The following TTC28 variants were observed in gnomAD, a reference collection of about 807,000 sequenced individuals.
TTC28 encodes tetratricopeptide repeat domain 28, also known as tetratricopeptide repeat protein 28.
TTC28 carries 61 observed loss-of-function variants against 198.0 expected under a neutral mutation model. That is an observed-to-expected ratio of 0.31 (90% confidence interval 0.25 to 0.38). The LOEUF (loss-of-function observed/expected upper bound fraction) is 0.38, where lower values mean the gene tolerates loss of function less well. Among genes scored for constraint, TTC28 ranks in the 10% least tolerant of loss-of-function variants. TTC28 has a pLI of 1.00. For synonymous variants in TTC28, 1,171 were observed against 1,297.8 expected (o/e 0.90, Z 2.10); for missense variants, 2,678 against 3,164.0 (o/e 0.85, Z 3.69).
At chr22:28,252,019 G>A (rs956208559) in intron 5 of TTC28, among the ~76,000 whole-genome samples, 1 of 152,132 alleles carries the variant, frequency 6.6e-6, no homozygotes, top group Non-Finnish European at 1.5e-5. Flanking sequence ...ACATTACTCA[G>A]GAATAGCCAC....
rs1341289485 is a variant in TTC28, at chr22:27,978,567, A to T, written c.*3654T>A. ...ATGCTGGAGCGTCACTGGGACAGAG[A>T]GAGCAGGATGAGGACAGCGTGGGTG... is the stretch of plus-strand genomic sequence containing the variant. On this transcript the variant is annotated 3_prime_UTR_variant, in exon 23 of 23. Coordinates refer to ENST00000397906, the MANE Select transcript of TTC28 (RefSeq NM_001145418.2). The T allele has an allele frequency of 6.6e-6, 1 of 152,276 alleles. No individual in the cohort carries two copies. Among genetic ancestry groups the T allele is most frequent in the Non-Finnish European group, 1.5e-5 (1 of 68,062 alleles). 9.4% of individuals were successfully genotyped at this position (152,276 alleles called of 1,614,324 possible). A position where few individuals can be genotyped will look rare whatever the true frequency, so the allele number is the denominator to read the frequency against.
chr22:28,331,383 C>T (rs1313549099), intron 2 of TTC28, among the ~76,000 whole-genome samples: 1 of 152,040 alleles, frequency 6.6e-6, no homozygotes, highest in Non-Finnish European at 1.5e-5. Flanking sequence ...TGCTCCACAG[C>T]CCCAAAGATT....
chr22:28,236,431 C>G (rs1305248122), intron 5 of TTC28, among the ~76,000 whole-genome samples: 1 of 152,110 alleles, frequency 6.6e-6, no homozygotes, highest in African/African-American at 2.4e-5. Context: ...GGATGGGAAT[C>G]TGGAATTGGT....
intron 2 of TTC28, among the ~76,000 whole-genome samples, chr22:28,522,792 T>C (rs1209960369): frequency 6.6e-6 from 1 of 152,028 alleles, no homozygotes; most frequent in Non-Finnish European, 1.5e-5. Flanking sequence ...TATTGTATGA[T>C]TATATTTATG....
intron 1 of TTC28, among the ~76,000 whole-genome samples, chr22:28,643,711 G>A: frequency 6.6e-6 from 1 of 152,132 alleles, no homozygotes; most frequent in Non-Finnish European, 1.5e-5. Context: ...AACAGATTTT[G>A]TTACTGTAGG....
intron 2 of TTC28, among the ~76,000 whole-genome samples, chr22:28,525,784 T>C (rs1324955645): frequency 6.6e-6 from 1 of 152,204 alleles, no homozygotes. Flanking sequence ...ACAAAATTCG[T>C]ATTTAAGAAT....
chr22:28,248,764 T>C (rs1930298241), intron 5 of TTC28, among the ~76,000 whole-genome samples: 2 of 152,180 alleles, frequency 1.3e-5, no homozygotes, highest in Admixed American at 1.3e-4. Flanking sequence ...CATCGTTTTT[T>C]GCAAGTTTGT....
At chr22:28,237,657 A>G (rs918021707) in intron 5 of TTC28, among the ~76,000 whole-genome samples, 4 of 152,208 alleles carry the variant, frequency 2.6e-5, no homozygotes, top group African/African-American at 7.2e-5. Flanking sequence ...TTCAAAATAC[A>G]TGAAAAAATG....
intron 2 of TTC28, among the ~76,000 whole-genome samples, chr22:28,394,562 G>A (rs534212565): frequency 6.6e-6 from 1 of 152,244 alleles, no homozygotes; most frequent in South Asian, 2.1e-4. Context: ...TCAATTTACT[G>A]TTATAAAAAG....
chr22:28,330,632 T>C (rs552668108), intron 2 of TTC28, among the ~76,000 whole-genome samples: 2 of 152,300 alleles, frequency 1.3e-5, no homozygotes, highest in Non-Finnish European at 2.9e-5. Flanking sequence ...ATCAAAACGA[T>C]TTCCTATTTT....
chr22:28,215,367 A>C (rs755563541), intron 5 of TTC28, among the ~76,000 whole-genome samples: 5 of 152,188 alleles, frequency 3.3e-5, no homozygotes, highest in Admixed American at 6.5e-5. Context: ...TCACTACTGC[A>C]ACCTCTGTGC....
chr22:28,317,982 C>T (rs2045378740), intron 2 of TTC28, among the ~76,000 whole-genome samples: 1 of 152,102 alleles, frequency 6.6e-6, no homozygotes, highest in East Asian at 1.9e-4. Flanking sequence ...TGGTTCACTG[C>T]ATCCTTGACA....
intron 2 of TTC28, among the ~76,000 whole-genome samples, chr22:28,366,419 T>C (rs1208849224): frequency 2.6e-5 from 4 of 152,146 alleles, no homozygotes; most frequent in Non-Finnish European, 4.4e-5. Context: ...GATACAAAGA[T>C]GAATTAGTCA....
At chr22:28,002,996 A>G in intron 14 of TTC28, among the ~76,000 whole-genome samples, 1 of 152,186 alleles carries the variant, frequency 6.6e-6, no homozygotes, top group East Asian at 1.9e-4. Context: ...AAACAACAAC[A>G]AAAAAAGAGC....
chr22:28,071,930 T>C (rs1940997449), intron 12 of TTC28, among the ~76,000 whole-genome samples: 2 of 152,296 alleles, frequency 1.3e-5, no homozygotes, highest in African/African-American at 2.4e-5. Flanking sequence ...TCATTACTTG[T>C]GAAGCCTTAA....
chr22:28,603,046 A>G (rs963522860), intron 2 of TTC28, among the ~76,000 whole-genome samples: 3 of 151,914 alleles, frequency 2.0e-5, no homozygotes, highest in African/African-American at 4.8e-5. Flanking sequence ...ACTCCAAGCT[A>G]ATTTTTGTAT....
At chr22:28,141,816 T>A (rs1943342926) in intron 6 of TTC28, among the ~76,000 whole-genome samples, 1 of 152,076 alleles carries the variant, frequency 6.6e-6, no homozygotes, top group Non-Finnish European at 1.5e-5. Flanking sequence ...ACCTCCCACA[T>A]CAAACAGTTA....
chr22:28,386,277 A>C (rs1223015967), intron 2 of TTC28, among the ~76,000 whole-genome samples: 1 of 21,864 alleles, frequency 4.6e-5, no homozygotes, highest in East Asian at 5.5e-4. Context: ...TCCGTCTCAA[A>C]AAAAAAAAAA....
At chr22:28,390,399 G>T (rs1364313851) in intron 2 of TTC28, among the ~76,000 whole-genome samples, 1 of 152,068 alleles carries the variant, frequency 6.6e-6, no homozygotes, top group Non-Finnish European at 1.5e-5. Flanking sequence ...GGGTATCCTT[G>T]TTGACTTTCT....
Sources: gnomAD v4.1 joint callset for allele counts (sites outside exome capture counted in the v4.1 genomes callset) on GRCh38, gnomAD v4.1.1 for gene constraint, MANE v1.5 for transcripts, NCBI Gene and HGNC (gene_info 2026-07-23, HGNC 2026-07-21) for gene names.